The following POTEF variants were observed in gnomAD, a reference collection of about 807,000 sequenced individuals.
POTEF encodes the protein ANKRD26-like family C member 1B.
In POTEF, 20 loss-of-function variants were observed where a neutral mutation model predicts 83.2. The observed-to-expected ratio is 0.24, with a 90% CI of 0.17 to 0.35. The LOEUF is 0.35. Among genes scored for constraint, POTEF ranks in the 10% least tolerant of loss-of-function variants. The probability of loss-of-function intolerance (pLI) is 1.00; values close to 1 mark genes in which losing one functional copy is unlikely to be tolerated. For synonymous variants in POTEF, 196 were observed against 446.4 expected, an observed-to-expected ratio of 0.44 and a Z score of 7.07; for missense variants, 550 against 1,203.2, an observed-to-expected ratio of 0.46 and a Z score of 8.03.
chr2:130,098,656 T>A (rs1684314223), intron 11 of POTEF, among the ~76,000 whole-genome samples: 1 of 138,306 alleles, frequency 7.2e-6, no homozygotes, highest in Admixed American at 7.2e-5. Context: ...GTATGAAAAT[T>A]GAGCTATTTC....
chr2:130,118,786 A>G (rs1684916281), intron 3 of POTEF, among the ~76,000 whole-genome samples: 2 of 151,814 alleles, frequency 1.3e-5, no homozygotes, highest in Admixed American at 1.3e-4. Context: ...TGTATATTTA[A>G]ATTTTTTAAT....
intron 2 of POTEF, among the ~76,000 whole-genome samples, chr2:130,121,021 C>A (rs13431881): frequency 1.2e-4 from 18 of 150,302 alleles, no homozygotes; most frequent in African/African-American, 4.2e-4. Context: ...GTGCGGCGTG[C>A]GCGTGCAAGC....
intron 1 of POTEF, among the ~76,000 whole-genome samples, chr2:130,128,706 C>T (rs1169844003): frequency 6.6e-6 from 1 of 151,982 alleles, no homozygotes; most frequent in African/African-American, 2.4e-5. Flanking sequence ...TGAGTAAGGG[C>T]AGTGCAGCAC....
rs1683796666 is a variant in POTEF at position 130,076,116 on chromosome 2, C to G, written c.1900-544G>C. On this transcript the variant is annotated intron_variant, in intron 16 of 16. Coordinates refer to ENST00000409914, the MANE Select transcript of POTEF (RefSeq NM_001099771.2). Reference sequence around the variant, plus strand: ...TCTACATTTCTAATATTTCTATACTCAGTTATAAGAATTACATTTATTTAT... The same window carrying G: ...TCTACATTTCTAATATTTCTATACTGAGTTATAAGAATTACATTTATTTAT... Among the ~76,000 whole-genome samples, 2 of 90,596 alleles carry G rather than the reference C, an allele frequency of 2.2e-5. 1 individual carries two copies. Among genetic ancestry groups the G allele is most frequent in the South Asian group, 6.4e-4 (2 of 3,118 alleles). 59.4% of individuals were successfully genotyped at this position (90,596 alleles called of 152,430 possible).
chr2:130,114,778 G>C lies in POTEF; in HGVS notation c.810+103C>G, dbSNP rs1156873038. ...GGTCATTTCAAAATATTTCCATTCA[G>C]GTTATGCTTGAGCTTCCAAATATGG... is the stretch of plus-strand genomic sequence containing the variant. On this transcript the variant is annotated intron_variant, in intron 5 of 16. Transcript: ENST00000409914. 5.4e-6 allele frequency: 8 copies of C among 1,482,370 alleles called. No individual in the cohort carries two copies. The African/African-American group carries it at 1.1e-4, about 21-fold the overall frequency. 91.8% of individuals were successfully genotyped at this position (1,482,370 alleles called of 1,614,324 possible). A position where few individuals can be genotyped will look rare whatever the true frequency, so the allele number is the denominator to read the frequency against.
chr2:130,125,532 AATAAAG>A (rs900841067), intron 2 of POTEF, among the ~76,000 whole-genome samples: 3 of 149,598 alleles, frequency 2.0e-5, no homozygotes, highest in African/African-American at 7.5e-5. Flanking sequence ...GAATCAGTAA[AATAAAG>A]ATAAAAAGTT....
chr2:130,112,811 C>T (rs1181008758), intron 5 of POTEF, among the ~76,000 whole-genome samples: 3 of 150,018 alleles, frequency 2.0e-5, no homozygotes, highest in Non-Finnish European at 2.9e-5. Context: ...CATAATACAG[C>T]GTCAATTGAC....
chr2:130,104,021 A>C (rs1039457309), intron 8 of POTEF, among the ~76,000 whole-genome samples: 10 of 144,798 alleles, frequency 6.9e-5, no homozygotes, highest in African/African-American at 2.7e-4. Context: ...CCCTGATCCT[A>C]TCTGCATTTA....
intron 6 of POTEF, among the ~76,000 whole-genome samples, chr2:130,111,480 A>C (rs1361646035): frequency 6.6e-6 from 1 of 152,008 alleles, no homozygotes; most frequent in Non-Finnish European, 1.5e-5. Context: ...TTGAACCCAC[A>C]GTATGTGGGA....
At chr2:130,078,108 T>C (rs1378066515) in intron 15 of POTEF, among the ~76,000 whole-genome samples, 21 of 96,104 alleles carry the variant, frequency 2.2e-4, no homozygotes, top group African/African-American at 7.2e-4. Context: ...GGCAGAGCAA[T>C]TGGGCAAGAG....
chr2:130,115,550 A>AC (rs1684825660), intron 3 of POTEF, among the ~76,000 whole-genome samples: 1 of 152,132 alleles, frequency 6.6e-6, no homozygotes, highest in Non-Finnish European at 1.5e-5. Context: ...CCCTTGGATG[A>AC]CATTCAACGT....
rs182979189 is a variant in POTEF, at chr2:130,102,762, G to A, written c.1127-582C>T. Reference sequence around the variant, plus strand: ...TCGCAAGTTCCTGTTGACCTTCAATGCAGCTGCAAGGTCATAAGCTTTGCT... The same window carrying A: ...TCGCAAGTTCCTGTTGACCTTCAATACAGCTGCAAGGTCATAAGCTTTGCT... On this transcript the variant is annotated intron_variant, in intron 8 of 16. Transcript: ENST00000409914. Among the ~76,000 whole-genome samples, 3 of 151,608 alleles carry A rather than the reference G, an allele frequency of 2.0e-5. 1 individual carries two copies. Among genetic ancestry groups the A allele is most frequent in the African/African-American group, 7.3e-5 (3 of 40,942 alleles).
At chr2:130,094,846 T>C (rs1684202833) in intron 11 of POTEF, among the ~76,000 whole-genome samples, 1 of 56,598 alleles carries the variant, frequency 1.8e-5, no homozygotes, top group Non-Finnish European at 3.3e-5. Flanking sequence ...TGACTCAGTT[T>C]ACCATAATGA....
In POTEF at chr2:130,106,278, A is replaced by G. The variant is rs1379112622; in HGVS notation, c.1126+1731T>C. Among the ~76,000 whole-genome samples the G allele has an allele frequency of 2.7e-5, 4 of 150,394 alleles. No homozygotes were observed. The East Asian group carries it at 7.8e-4, about 29-fold the overall frequency. On this transcript the variant is annotated intron_variant, in intron 8 of 16. Transcript: ENST00000409914. ...CAGTCCAAAGCATTCTACCCAGTAA[A>G]TTTCCCATGGCACACAGGATAAGAC...
chr2:130,110,847 A>G (rs1166288406), intron 6 of POTEF, among the ~76,000 whole-genome samples, 167 bp from the exon 7 acceptor site: 2 of 91,154 alleles, frequency 2.2e-5, no homozygotes, highest in Admixed American at 1.2e-4. Flanking sequence ...AATGCCACCA[A>G]GGTTAAAAGG....
chr2:130,126,001 C>T (rs1685082484), intron 2 of POTEF, among the ~76,000 whole-genome samples: 1 of 151,450 alleles, frequency 6.6e-6, no homozygotes, highest in Non-Finnish European at 1.5e-5. Context: ...GATGACAATA[C>T]TCTTGAAAAT....
chr2:130,109,254 A>G (rs1039312996), intron 7 of POTEF: 5 of 147,438 alleles, frequency 3.4e-5, no homozygotes, highest in African/African-American at 1.0e-4. Context: ...TGCAGAAGCC[A>G]CGCTAACTTT....
At chr2:130,128,418 G>GCAGCC (rs1297169701) in intron 1 of POTEF, among the ~76,000 whole-genome samples, 4 of 151,756 alleles carry the variant, frequency 2.6e-5, no homozygotes, top group Non-Finnish European at 5.9e-5. Context: ...CACCACCTCT[G>GCAGCC]CAGCCGACCA....
At chr2:130,102,903 T>C (rs1432479732) in intron 8 of POTEF, among the ~76,000 whole-genome samples, 2 of 151,520 alleles carry the variant, frequency 1.3e-5, no homozygotes, top group Non-Finnish European at 2.9e-5. Flanking sequence ...GCAAATCTGC[T>C]GAGCTGTTGC....
Sources: allele counts gnomAD v4.1 joint callset (sites outside exome capture counted in the v4.1 genomes callset), GRCh38; gene constraint gnomAD v4.1.1; transcripts MANE v1.5; gene names NCBI Gene and HGNC (gene_info 2026-07-23, HGNC 2026-07-21).